Variants in FBXL7 observed in about 807,000 individuals in gnomAD.
FBXL7 encodes the protein F-box and leucine rich repeat protein 7, also known as F-box/LRR-repeat protein 7.
Under a neutral mutation model 38.3 loss-of-function variants are expected in FBXL7, and 12 were observed. That is an observed-to-expected ratio of 0.31 (90% confidence interval 0.20 to 0.51). FBXL7 has a LOEUF of 0.51. FBXL7 is among the 20% of genes least tolerant of loss of function. The pLI, the probability that FBXL7 is intolerant of heterozygous loss-of-function variation, is 0.98. For synonymous variants in FBXL7, 297 were observed against 300.9 expected, an observed-to-expected ratio of 0.99 and a Z score of 0.13; for missense variants, 567 against 676.4, an observed-to-expected ratio of 0.84 and a Z score of 1.79.
At chr5:15,519,444 CAAAAAAAA>C (rs75322019) in intron 1 of FBXL7, among the ~76,000 whole-genome samples, 66 of 131,010 alleles carry the variant, frequency 5.0e-4, no homozygotes, top group African/African-American at 1.7e-3. Flanking sequence ...ACTTAGAAAA[CAAAAAAAA>C]AAAACAAACA....
intron 2 of FBXL7, among the ~76,000 whole-genome samples, chr5:15,861,765 T>C (rs1388179046): frequency 2.0e-5 from 3 of 152,188 alleles, no homozygotes; most frequent in African/African-American, 7.2e-5. Context: ...GCAGCCCTCT[T>C]CAGGTCACCT....
At chr5:15,608,080 A>G (rs1355714175) in intron 1 of FBXL7, among the ~76,000 whole-genome samples, 2 of 152,180 alleles carry the variant, frequency 1.3e-5, no homozygotes, top group East Asian at 3.8e-4. Context: ...TAAATTATGT[A>G]TAATGTATGT....
At chr5:15,519,713 G>T (rs1381426500) in intron 1 of FBXL7, among the ~76,000 whole-genome samples, 1 of 152,110 alleles carries the variant, frequency 6.6e-6, no homozygotes, top group Non-Finnish European at 1.5e-5. Flanking sequence ...GGCAAATTTG[G>T]ACATTCCTAG....
At chr5:15,680,311 A>G (rs1035754925) in intron 2 of FBXL7, among the ~76,000 whole-genome samples, 2 of 152,210 alleles carry the variant, frequency 1.3e-5, no homozygotes, top group African/African-American at 4.8e-5. Context: ...AGAAGGTGCT[A>G]AAGTTATAAT....
At chr5:15,860,477 C>T (rs1739429323) in intron 2 of FBXL7, among the ~76,000 whole-genome samples, 1 of 152,178 alleles carries the variant, frequency 6.6e-6, no homozygotes, top group South Asian at 2.1e-4. Context: ...AAGCCTTGCA[C>T]ATCGTATTGA....
At chr5:15,504,180 G>A (rs1054527242) in intron 1 of FBXL7, among the ~76,000 whole-genome samples, 5 of 152,138 alleles carry the variant, frequency 3.3e-5, no homozygotes, top group African/African-American at 4.8e-5. Flanking sequence ...TCAACTCCGG[G>A]GTGTTTGTTC....
intron 2 of FBXL7, among the ~76,000 whole-genome samples, chr5:15,771,619 T>C (rs576655101): frequency 6.6e-6 from 1 of 152,030 alleles, no homozygotes; most frequent in African/African-American, 2.4e-5. Context: ...GCTCTGCTTG[T>C]AAAAAAGCTG....
rs185924490 is a variant in FBXL7 at position 15,717,503 on chromosome 5, A to G, written c.127+101431A>G. ...CTGGAAGTTATCAGAATTTTTAGTGAAGCAGATATTCTGATGCCCATAGGT... is the reference window on the plus strand; with the variant it reads ...CTGGAAGTTATCAGAATTTTTAGTGGAGCAGATATTCTGATGCCCATAGGT... On this transcript the variant is annotated intron_variant, in intron 2 of 3. Transcript: ENST00000504595. Among the ~76,000 whole-genome samples, 684 of 152,358 alleles carry G rather than the reference A, an allele frequency of 4.5e-3. 1 individual carries two copies. The highest frequency in any genetic ancestry group is 7.4e-3 in the Non-Finnish European group (501 of 68,034).
intron 1 of FBXL7, among the ~76,000 whole-genome samples, chr5:15,519,449 A>C (rs559253390): frequency 5.2e-4 from 77 of 148,388 alleles, no homozygotes; most frequent in Admixed American, 1.3e-3. Flanking sequence ...GAAAACAAAA[A>C]AAAAAAACAA....
chr5:15,658,156 G>T (rs1270258285), intron 2 of FBXL7, among the ~76,000 whole-genome samples: 1 of 152,184 alleles, frequency 6.6e-6, no homozygotes, highest in South Asian at 2.1e-4. Flanking sequence ...ACAGTGTCCT[G>T]TGGAACAAGA....
At chr5:15,727,160 C>A (rs1419205022) in intron 2 of FBXL7, among the ~76,000 whole-genome samples, 1 of 152,026 alleles carries the variant, frequency 6.6e-6, no homozygotes, top group Non-Finnish European at 1.5e-5. Flanking sequence ...AAAATTACCT[C>A]TTTATACATT....
intron 2 of FBXL7, among the ~76,000 whole-genome samples, chr5:15,723,683 C>A (rs1254152143): frequency 6.6e-6 from 1 of 152,068 alleles, no homozygotes; most frequent in African/African-American, 2.4e-5. Context: ...TTGTGTCTTT[C>A]TTTTGTTATT....
At chr5:15,503,336 G>A (rs1280024786) in intron 1 of FBXL7, among the ~76,000 whole-genome samples, 1 of 152,172 alleles carries the variant, frequency 6.6e-6, no homozygotes, top group Non-Finnish European at 1.5e-5. Flanking sequence ...CAGGAGAATC[G>A]CTTGAACCTG....
chr5:15,521,043 C>G (rs1167499822), intron 1 of FBXL7, among the ~76,000 whole-genome samples: 1 of 152,164 alleles, frequency 6.6e-6, no homozygotes, highest in Non-Finnish European at 1.5e-5. Flanking sequence ...AGCGTAGTTG[C>G]TAAGAGCAGA....
At chr5:15,574,530 T>A (rs1239172130) in intron 1 of FBXL7, among the ~76,000 whole-genome samples, 1 of 152,220 alleles carries the variant, frequency 6.6e-6, no homozygotes, top group Admixed American at 6.5e-5. Flanking sequence ...AAACCATTTT[T>A]AAACATTCAT....
At chr5:15,556,084 C>CT (rs1554005567) in intron 1 of FBXL7, among the ~76,000 whole-genome samples, 79 of 150,552 alleles carry the variant, frequency 5.2e-4, no homozygotes, top group African/African-American at 1.9e-3. Flanking sequence ...TATTATCTAT[C>CT]ATCTATCTAT....
chr5:15,682,171 C>T lies in FBXL7; in HGVS notation c.127+66099C>T, dbSNP rs560985279. 7.2e-5 allele frequency among the ~76,000 whole-genome samples: 11 copies of T among 152,304 alleles called. No homozygotes were observed. In the South Asian group the frequency reaches 2.1e-3, roughly 29 times the overall value. Reference sequence around the variant, plus strand: ...ATTGTGTCATTTAGACATTGGGAACCCAGGCTTTATCCATCATAGGTGAAC... The same window carrying T: ...ATTGTGTCATTTAGACATTGGGAACTCAGGCTTTATCCATCATAGGTGAAC... On this transcript the variant is annotated intron_variant, in intron 2 of 3. Coordinates refer to ENST00000504595, the MANE Select transcript of FBXL7 (RefSeq NM_012304.5).
chr5:15,794,814 CTAA>C (rs1051786874), intron 2 of FBXL7, among the ~76,000 whole-genome samples: 6 of 152,200 alleles, frequency 3.9e-5, no homozygotes, highest in South Asian at 2.1e-4. Flanking sequence ...TGTTTGCAAC[CTAA>C]TAATAATGTA....
chr5:15,656,261 A>G (rs1485560827), intron 2 of FBXL7, among the ~76,000 whole-genome samples: 2 of 152,202 alleles, frequency 1.3e-5, no homozygotes, highest in African/African-American at 2.4e-5. Flanking sequence ...TGTCATGTGA[A>G]TCATAGTAAT....
Sources: allele counts gnomAD v4.1 joint callset (sites outside exome capture counted in the v4.1 genomes callset), GRCh38; gene constraint gnomAD v4.1.1; transcripts MANE v1.5; gene names NCBI Gene and HGNC (gene_info 2026-07-23, HGNC 2026-07-21).